SLC5A1: variants seen among roughly 807,000 people sequenced by gnomAD.
SLC5A1 encodes sodium/glucose cotransporter 1.
In SLC5A1, 42 loss-of-function variants were observed where a neutral mutation model predicts 73.5. The observed-to-expected ratio is 0.57, with a 90% CI of 0.45 to 0.74. SLC5A1 has a LOEUF of 0.74. SLC5A1 is among the 30% of genes least tolerant of loss of function. The pLI is 0.00. For missense variants in SLC5A1, 634 were observed against 855.4 expected, an observed-to-expected ratio of 0.74 and a Z score of 3.23; for synonymous variants, 300 against 317.4, an observed-to-expected ratio of 0.95 and a Z score of 0.58.
chr22:32,087,070 A>G (rs905151321), intron 10 of SLC5A1, among the ~76,000 whole-genome samples: 1 of 152,214 alleles, frequency 6.6e-6, no homozygotes, highest in African/African-American at 2.4e-5. Context: ...TTGTAGAAGC[A>G]GAGAGTAGAA....
intron 2 of SLC5A1, among the ~76,000 whole-genome samples, chr22:32,054,324 A>C (rs2093948810): frequency 6.6e-6 from 1 of 152,206 alleles, no homozygotes; most frequent in South Asian, 2.1e-4. Context: ...AGGTGCTGAT[A>C]TATCCATGTG....
At chr22:32,085,869 C>T (rs1048954139) in intron 9 of SLC5A1, among the ~76,000 whole-genome samples, 10 of 152,090 alleles carry the variant, frequency 6.6e-5, no homozygotes, top group Non-Finnish European at 1.0e-4. Flanking sequence ...TGGCCGGGCA[C>T]GGTGGCTCAC....
At chr22:32,045,932 C>T (rs1344688537) in intron 1 of SLC5A1, among the ~76,000 whole-genome samples, 3 of 152,158 alleles carry the variant, frequency 2.0e-5, no homozygotes, top group African/African-American at 7.2e-5. Flanking sequence ...TTTTACACTT[C>T]TCAAGGGTTG....
At position 32,086,237 on chromosome 22, in the gene SLC5A1, G is replaced by A. The variant is rs545945151; in HGVS notation, c.1039G>A (p.Val347Ile). 5.6e-6 allele frequency: 9 copies of A among 1,613,314 alleles called. No individual in the cohort carries two copies. Among genetic ancestry groups the A allele is most frequent in the African/African-American group, 4.0e-5 (3 of 74,970 alleles). Residue 347 changes from valine to isoleucine, a missense_variant, in exon 10 of 15, where the codon GTC (valine) becomes ATC (isoleucine). By Grantham distance (29) the Val-to-Ile change is conservative. Coordinates refer to ENST00000266088, the MANE Select transcript of SLC5A1 (RefSeq NM_000343.4). ...CTTCCCAGAAAAAATTGCCTGTGTC[G>A]TCCCTTCAGAATGTGAGAAATATTG... Reference protein sequence around the residue: ...ILYTEKIACVVPSECEKYCGT... With the variant: ...ILYTEKIACVIPSECEKYCGT...
At chr22:32,053,444 G>A (rs2093947688) in intron 2 of SLC5A1, among the ~76,000 whole-genome samples, 1 of 149,974 alleles carries the variant, frequency 6.7e-6, no homozygotes, top group Non-Finnish European at 1.5e-5. Flanking sequence ...TTTTTTTGGT[G>A]GAATCACTTC....
At chr22:32,056,482 T>TG (rs2093952151) in intron 2 of SLC5A1, among the ~76,000 whole-genome samples, 1 of 149,102 alleles carries the variant, frequency 6.7e-6, no homozygotes, top group Non-Finnish European at 1.5e-5. Context: ...CATGCAATAT[T>TG]CGGGACATAC....
At chr22:32,056,189 T>C (rs1278504822) in intron 2 of SLC5A1, among the ~76,000 whole-genome samples, 2 of 152,036 alleles carry the variant, frequency 1.3e-5, no homozygotes, top group East Asian at 3.9e-4. Context: ...GCCTGGCTAA[T>C]TTTTGATTTT....
chr22:32,077,896 T>G (rs2093993542), intron 5 of SLC5A1, among the ~76,000 whole-genome samples: 2 of 152,206 alleles, frequency 1.3e-5, no homozygotes, highest in Non-Finnish European at 2.9e-5. Flanking sequence ...TTCCTGCACT[T>G]TTGAAACTGT....
chr22:32,043,272 C>T lies in SLC5A1; in HGVS notation c.-10C>T, dbSNP rs368143841. On this transcript the variant is annotated 5_prime_UTR_variant, in exon 1 of 15. The change creates a new upstream start codon in the 5' untranslated region. Transcript: ENST00000266088. This position sits in a 1 kb window ranked among gnomAD's most constrained non-coding sequence, Gnocchi z 6.5. ...GCCCTGGCGAGAGGGAAGGACGCAACGCTGCCACCATGGACAGTAGCACCT... is the reference window on the plus strand; with the variant it reads ...GCCCTGGCGAGAGGGAAGGACGCAATGCTGCCACCATGGACAGTAGCACCT... 6.8e-6 allele frequency: 11 copies of T among 1,613,566 alleles called. No homozygotes were observed. Among genetic ancestry groups the T allele is most frequent in the African/African-American group, 2.7e-5 (2 of 74,940 alleles).
chr22:32,086,524 G>T (rs1381140022), intron 10 of SLC5A1, among the ~76,000 whole-genome samples, 197 bp downstream of exon 10: 1 of 152,144 alleles, frequency 6.6e-6, no homozygotes, highest in Admixed American at 6.5e-5. Context: ...GACTTGGTTG[G>T]GTTCTATGAG....
intron 14 of SLC5A1, among the ~76,000 whole-genome samples, chr22:32,107,856 C>T (rs1312815483): frequency 1.3e-5 from 2 of 152,162 alleles, no homozygotes; most frequent in Non-Finnish European, 2.9e-5. Flanking sequence ...TCACCATTCT[C>T]TGAGAAACAG....
chr22:32,097,956 A>T (rs1307094033), intron 11 of SLC5A1, among the ~76,000 whole-genome samples: 3 of 152,248 alleles, frequency 2.0e-5, no homozygotes, highest in African/African-American at 4.8e-5. Context: ...AAAGCACATT[A>T]AAAAAGTATT....
rs1184910393 is a variant in SLC5A1, at chr22:32,067,752, G to A, written c.313-215G>A. Among the ~76,000 whole-genome samples the A allele has an allele frequency of 6.6e-5, 10 of 152,240 alleles. No individual in the cohort carries two copies. The East Asian group carries it at 1.5e-3, about 23-fold the overall frequency. On this transcript the variant is annotated intron_variant, in intron 3 of 14. Coordinates refer to ENST00000266088, the MANE Select transcript of SLC5A1 (RefSeq NM_000343.4). ...TGCTCTAGCTGTGGCCCACTGCTGT[G>A]ATGTTGATGAGCAGCCTCCTGGGCT... is the stretch of plus-strand genomic sequence containing the variant.
intron 2 of SLC5A1, among the ~76,000 whole-genome samples, chr22:32,063,862 G>C (rs2093967732): frequency 1.3e-5 from 2 of 151,840 alleles, no homozygotes; most frequent in African/African-American, 4.8e-5. Context: ...AGGGAGTCCA[G>C]AATGAGGAAG....
intron 10 of SLC5A1, among the ~76,000 whole-genome samples, chr22:32,087,611 C>T (rs1483853625): frequency 6.6e-6 from 1 of 152,152 alleles, no homozygotes; most frequent in Admixed American, 6.5e-5. Context: ...GAGTACTTAG[C>T]TGTGACTCCT....
intron 2 of SLC5A1, among the ~76,000 whole-genome samples, chr22:32,063,761 G>T (rs2093967564): frequency 6.6e-6 from 1 of 152,140 alleles, no homozygotes; most frequent in Non-Finnish European, 1.5e-5. Context: ...GCAGCACAAG[G>T]GCTATCTAGA....
chr22:32,046,179 T>G (rs1044129481), intron 1 of SLC5A1, among the ~76,000 whole-genome samples: 2 of 152,082 alleles, frequency 1.3e-5, no homozygotes, highest in Non-Finnish European at 2.9e-5. Flanking sequence ...TGACCAGAAG[T>G]CATTCAGATG....
intron 2 of SLC5A1, among the ~76,000 whole-genome samples, chr22:32,059,956 G>A (rs897826105): frequency 2.0e-5 from 3 of 150,926 alleles, no homozygotes; most frequent in African/African-American, 4.9e-5. Context: ...TGTTCTATAT[G>A]TTGGCATGTG....
At chr22:32,103,814 C>A (rs1163426997) in intron 13 of SLC5A1, among the ~76,000 whole-genome samples, 1 of 152,128 alleles carries the variant, frequency 6.6e-6, no homozygotes, top group East Asian at 1.9e-4. Flanking sequence ...TTCAAGACTT[C>A]AAAAGTTGCA....
Sources: allele counts gnomAD v4.1 joint callset (sites outside exome capture counted in the v4.1 genomes callset), GRCh38; gene constraint gnomAD v4.1.1; non-coding constraint Gnocchi (gnomAD v3.1); transcripts MANE v1.5; gene names NCBI Gene and HGNC (gene_info 2026-07-23, HGNC 2026-07-21).